Variants in CAMKMT observed in about 807,000 individuals in gnomAD.
CAMKMT encodes the protein calmodulin-lysine N-methyltransferase.
Under a neutral mutation model 48.0 loss-of-function variants are expected in CAMKMT, and 53 were observed. That is an observed-to-expected ratio of 1.10 (90% CI 0.89 to 1.39). CAMKMT has a LOEUF of 1.39. Among genes scored for constraint, CAMKMT ranks in the 40% most tolerant of loss-of-function variants. The pLI is 0.00. For missense variants in CAMKMT, 428 were observed against 402.7 expected, an observed-to-expected ratio of 1.06 and a Z score of -0.54; for synonymous variants, 165 against 152.3, an observed-to-expected ratio of 1.08 and a Z score of -0.61.
At chr2:44,383,633 C>T (rs764710842) in intron 2 of CAMKMT, among the ~76,000 whole-genome samples, 3 of 152,072 alleles carry the variant, frequency 2.0e-5, no homozygotes, top group Non-Finnish European at 4.4e-5. Context: ...TGTACCCCTC[C>T]CACTCTTCCC....
intron 8 of CAMKMT, among the ~76,000 whole-genome samples, chr2:44,744,918 G>C (rs1182651404): frequency 1.3e-5 from 2 of 151,990 alleles, no homozygotes; most frequent in African/African-American, 4.8e-5. Context: ...CCAAAAATAG[G>C]AGAAACCTGG....
chr2:44,415,204 T>C (rs1302644985), intron 3 of CAMKMT, among the ~76,000 whole-genome samples: 1 of 152,206 alleles, frequency 6.6e-6, no homozygotes, highest in Non-Finnish European at 1.5e-5. Flanking sequence ...TGTCAGATTA[T>C]CAGATCACTT....
chr2:44,450,777 A>G (rs1253556267), intron 3 of CAMKMT, among the ~76,000 whole-genome samples: 1 of 152,188 alleles, frequency 6.6e-6, no homozygotes, highest in Non-Finnish European at 1.5e-5. Flanking sequence ...AAATATTTCA[A>G]TAAAACAAAA....
At chr2:44,435,933 T>A (rs1067356) in intron 3 of CAMKMT, among the ~76,000 whole-genome samples, 2 of 151,912 alleles carry the variant, frequency 1.3e-5, no homozygotes, top group African/African-American at 4.8e-5. Context: ...ACGTCATTCA[T>A]TTTGCCTAGA....
chr2:44,760,559 G>A (rs899711395), intron 9 of CAMKMT, among the ~76,000 whole-genome samples: 10 of 150,122 alleles, frequency 6.7e-5, no homozygotes, highest in Non-Finnish European at 1.2e-4. Context: ...TGCAGTGAGC[G>A]GAGATTGCAC....
chr2:44,548,663 G>A (rs1667536457), intron 3 of CAMKMT, among the ~76,000 whole-genome samples: 2 of 152,294 alleles, frequency 1.3e-5, no homozygotes, highest in Non-Finnish European at 2.9e-5. Context: ...TCAGAGACGG[G>A]AAGTCAGAGA....
At chr2:44,660,237 T>C (rs1674607025) in intron 3 of CAMKMT, among the ~76,000 whole-genome samples, 1 of 152,200 alleles carries the variant, frequency 6.6e-6, no homozygotes, top group Admixed American at 6.5e-5. Flanking sequence ...TGCTTCTGCA[T>C]TTAGTCTTTT....
At chr2:44,613,106 A>G (rs925182142) in intron 3 of CAMKMT, among the ~76,000 whole-genome samples, 4 of 152,228 alleles carry the variant, frequency 2.6e-5, no homozygotes, top group African/African-American at 4.8e-5. Flanking sequence ...GGGAGCAGTA[A>G]AAGATTTCTG....
intron 3 of CAMKMT, among the ~76,000 whole-genome samples, chr2:44,595,439 A>G (rs549520220): frequency 1.6e-4 from 25 of 152,292 alleles, no homozygotes; most frequent in Middle Eastern, 3.4e-3. Flanking sequence ...CTAGGAATAC[A>G]ACTTATAAGG....
intron 6 of CAMKMT, among the ~76,000 whole-genome samples, chr2:44,708,847 GAGA>G (rs1558809967): frequency 1.3e-5 from 2 of 152,062 alleles, no homozygotes; most frequent in Admixed American, 6.6e-5. Context: ...TATTGGACAA[GAGA>G]AGATTATTTT....
intron 3 of CAMKMT, among the ~76,000 whole-genome samples, chr2:44,545,046 G>T (rs1412846236): frequency 6.6e-6 from 1 of 152,162 alleles, no homozygotes; most frequent in Middle Eastern, 3.2e-3. Context: ...ATAGAGAGCA[G>T]AAACTCTTTC....
chr2:44,403,842 C>T (rs1682598331), intron 3 of CAMKMT, among the ~76,000 whole-genome samples: 1 of 152,108 alleles, frequency 6.6e-6, no homozygotes, highest in Non-Finnish European at 1.5e-5. Context: ...ACAGCATTTC[C>T]AGTTTACATG....
intron 3 of CAMKMT, among the ~76,000 whole-genome samples, chr2:44,421,315 A>G (rs903633279): frequency 3.3e-5 from 5 of 152,184 alleles, no homozygotes; most frequent in African/African-American, 9.6e-5. Context: ...TTTTATTTAC[A>G]TGTTTGATAA....
chr2:44,666,820 G>C (rs555536366), intron 3 of CAMKMT, among the ~76,000 whole-genome samples: 37 of 152,246 alleles, frequency 2.4e-4, no homozygotes, highest in Non-Finnish European at 3.8e-4. Flanking sequence ...ACGTTGGCCA[G>C]GATGGTCTTG....
intron 7 of CAMKMT, among the ~76,000 whole-genome samples, chr2:44,742,297 A>G (rs184350087): frequency 5.9e-5 from 9 of 152,342 alleles, no homozygotes; most frequent in African/African-American, 9.6e-5. Flanking sequence ...TTGCCTATCC[A>G]GTAGGCCTCA....
At chr2:44,661,236 A>C (rs989132007) in intron 3 of CAMKMT, among the ~76,000 whole-genome samples, 2 of 152,042 alleles carry the variant, frequency 1.3e-5, no homozygotes, top group Non-Finnish European at 2.9e-5. Context: ...GTTAGTACAG[A>C]AGAATAACAC....
At chr2:44,694,475 A>G (rs1194974091) in intron 3 of CAMKMT, among the ~76,000 whole-genome samples, 1 of 152,112 alleles carries the variant, frequency 6.6e-6, no homozygotes, top group Non-Finnish European at 1.5e-5. Context: ...TTGGGAGAGA[A>G]TCACCTAAGC....
chr2:44,614,936 C>CTTTTT (rs3083440), intron 3 of CAMKMT, among the ~76,000 whole-genome samples: 5,363 of 48,876 alleles, frequency 0.11, 1,758 homozygotes, highest in Admixed American at 0.15. Context: ...GGTCTCCTTG[C>CTTTTT]TTTTTTTTTT....
intron 3 of CAMKMT, among the ~76,000 whole-genome samples, chr2:44,493,366 T>C (rs1229718215): frequency 6.6e-6 from 1 of 152,176 alleles, no homozygotes; most frequent in Non-Finnish European, 1.5e-5. Context: ...AGCAAAACTT[T>C]TTGTTTTTAA....
Sources: allele counts gnomAD v4.1 joint callset (sites outside exome capture counted in the v4.1 genomes callset), GRCh38; gene constraint gnomAD v4.1.1; transcripts MANE v1.5; gene names NCBI Gene and HGNC (gene_info 2026-07-23, HGNC 2026-07-21).